The following CD36 variants were observed in gnomAD, a reference collection of about 807,000 sequenced individuals.
The protein encoded by CD36 is platelet glycoprotein 4.
CD36 carries 119 observed loss-of-function variants against 55.2 expected under a neutral mutation model. That is an observed-to-expected ratio of 2.15 (90% CI 1.86 to 2.51). CD36 has a LOEUF of 2.51. Ranked by LOEUF, CD36 falls within the 30% of genes most tolerant of loss-of-function variation. The pLI, the probability that CD36 is intolerant of heterozygous loss-of-function variation, is 0.00. For synonymous variants in CD36, 186 were observed against 193.6 expected (o/e 0.96, Z 0.33); for missense variants, 819 against 555.5 (o/e 1.47, Z -4.77).
At chr7:80,604,866 G>A (rs1792455751) in intron 1 of CD36, among the ~76,000 whole-genome samples, 1 of 151,880 alleles carries the variant, frequency 6.6e-6, no homozygotes, top group African/African-American at 2.4e-5. Flanking sequence ...TATTAGTCAT[G>A]TCATGTTTTA....
chr7:80,630,285 A>C (rs1400784805), intron 1 of CD36, among the ~76,000 whole-genome samples: 1 of 152,040 alleles, frequency 6.6e-6, no homozygotes, highest in Non-Finnish European at 1.5e-5. Context: ...CCTTAAAAGG[A>C]GTAGAAGAGC....
intron 1 of CD36, among the ~76,000 whole-genome samples, chr7:80,604,630 G>C (rs1038412510): frequency 2.2e-4 from 33 of 151,598 alleles, no homozygotes; most frequent in African/African-American, 2.4e-5. Context: ...AGCATTAGAG[G>C]GGACATAGGA....
intron 8 of CD36, among the ~76,000 whole-genome samples, chr7:80,669,367 G>T (rs1196851091): frequency 6.6e-6 from 1 of 152,108 alleles, no homozygotes; most frequent in Non-Finnish European, 1.5e-5. Flanking sequence ...GAGACTTTAA[G>T]AATTTAAAAT....
intron 4 of CD36, 96 bp from the exon 5 acceptor site, chr7:80,660,967 G>GT: frequency 2.2e-6 from 2 of 917,244 alleles, no homozygotes; most frequent in Non-Finnish European, 3.6e-6. Flanking sequence ...GGCATATTCT[G>GT]TGTGTTCAAA....
At chr7:80,636,540 A>AT (rs1794418027), upstream of CD36, among the ~76,000 whole-genome samples, 1 of 151,694 alleles carries the variant, frequency 6.6e-6, no homozygotes, top group African/African-American at 2.4e-5. Flanking sequence ...TGCAAAAAAA[A>AT]AAAAAAAAGA....
chr7:80,659,831 ATTCT>A (rs1410316266), intron 4 of CD36, among the ~76,000 whole-genome samples: 1 of 152,132 alleles, frequency 6.6e-6, no homozygotes, highest in Non-Finnish European at 1.5e-5. Context: ...AGATTTTTAT[ATTCT>A]TTGTGTGTCT....
Position 80,664,477 on chromosome 7 carries a change from C to T in CD36, c.681C>T (p.Ile227=), listed in dbSNP as rs371782363. The change falls in exon 7 of 15, where the codon ATC becomes ATT. Residue 227 remains isoleucine, a synonymous_variant. Coordinates refer to ENST00000447544, the MANE Select transcript of CD36 (RefSeq NM_001001548.3). ...GKDNISKVAI[I]DTYKGKRNLS... The stretch of plus-strand genomic sequence containing the variant: ...ATAACATAAGTAAAGTTGCCATAAT[C>T]GACACATATAAAGGTAAAAGGTAAG... The T allele has an allele frequency of 5.8e-5, 91 of 1,561,408 alleles. No homozygotes were observed. The highest frequency in any genetic ancestry group is 2.5e-4 in the Admixed American group (15 of 59,858).
At chr7:80,663,550 C>T (rs1229623329) in intron 6 of CD36, among the ~76,000 whole-genome samples, 1 of 152,058 alleles carries the variant, frequency 6.6e-6, no homozygotes, top group South Asian at 2.1e-4. Flanking sequence ...ACTCCTCATT[C>T]CTCCTTTTCT....
At chr7:80,671,268 C>T (rs1251866232) in intron 10 of CD36, 104 bp downstream of exon 10, 15 of 722,970 alleles carry the variant, frequency 2.1e-5, no homozygotes, top group Non-Finnish European at 3.2e-5. Flanking sequence ...TAAAATATAT[C>T]ATAATTTGTG....
chr7:80,644,165 C>T (rs1794994090), intron 1 of CD36, among the ~76,000 whole-genome samples: 1 of 152,138 alleles, frequency 6.6e-6, no homozygotes, highest in South Asian at 2.1e-4. Flanking sequence ...CATTCCATTG[C>T]ATTAGGACAG....
intron 7 of CD36, among the ~76,000 whole-genome samples, chr7:80,665,120 A>G (rs892103277): frequency 2.0e-5 from 3 of 152,138 alleles, no homozygotes; most frequent in African/African-American, 7.2e-5. Flanking sequence ...TCTACAATGT[A>G]AATACAAAAT....
At chr7:80,656,410 A>AAGTGTATGGT in intron 3 of CD36, 130 bp from the exon 4 acceptor site, 1 of 729,414 alleles carries the variant, frequency 1.4e-6, no homozygotes, top group South Asian at 1.6e-5. Flanking sequence ...GTAAGGTTGC[A>AAGTGTATGGT]AAGGTTCTCA....
chr7:80,655,920 CAAA>C (rs111330088), intron 3 of CD36, among the ~76,000 whole-genome samples: 2 of 95,416 alleles, frequency 2.1e-5, no homozygotes, highest in Admixed American at 1.1e-4. Flanking sequence ...TATCTTGTCT[CAAA>C]AAAAAAAAAA....
chr7:80,661,796 AAAATAAAGTCGAT>A (rs1796551731), intron 5 of CD36, among the ~76,000 whole-genome samples: 1 of 152,220 alleles, frequency 6.6e-6, no homozygotes, highest in African/African-American at 2.4e-5. Context: ...AATTTAAGGG[AAAATAAAGTCGAT>A]AAGGTTGATG....
At position 80,646,805 on chromosome 7, in the gene CD36, T is replaced by C; in HGVS notation, c.65T>C (p.Phe22Ser). Residue 22 changes from phenylalanine (F) to serine (S), a missense_variant, in exon 3 of 15, where the codon TTT (phenylalanine) becomes TCT (serine). By Grantham distance (155) the Phe-to-Ser change is radical (BLOSUM62 -2). Transcript: ENST00000447544. ...GTCATTGGTGCTGTCCTGGCTGTGT[T>C]TGGAGGTATTCTAATGCCAGTTGGA... Reference protein sequence around the residue: ...GAVIGAVLAVFGGILMPVGDL... With the variant: ...GAVIGAVLAVSGGILMPVGDL... The C allele has an allele frequency of 6.2e-7, 1 of 1,614,020 alleles. No individual in the cohort carries two copies. The highest frequency in any genetic ancestry group is 1.1e-5 in the South Asian group (1 of 91,080).
In CD36 at chr7:80,671,927, C is replaced by CA; in HGVS notation, c.1012_1013insA (p.Pro338HisfsTer15). 6.2e-7 allele frequency: 1 copy of CA among 1,611,090 alleles called. No homozygotes were observed. The highest frequency in any genetic ancestry group is 8.5e-7 in the Non-Finnish European group (1 of 1,178,028). On this transcript the variant is annotated frameshift_variant, in exon 11 of 15. Transcript: ENST00000447544. LOFTEE classifies it high-confidence loss of function. The stretch of plus-strand genomic sequence containing the variant: ...CTCTTAAAACTTGTCTTCAGGGAGA[C>CA]CTGTGTACATTTCACTTCCTCATTT...
chr7:80,652,590 A>T (rs1795714179), intron 3 of CD36, among the ~76,000 whole-genome samples: 1 of 152,222 alleles, frequency 6.6e-6, no homozygotes, highest in African/African-American at 2.4e-5. Context: ...AAATGGTAGC[A>T]GCTAGTGGGA....
intron 1 of CD36, among the ~76,000 whole-genome samples, chr7:80,617,584 G>C (rs755553390): frequency 1.3e-5 from 2 of 151,846 alleles, no homozygotes; most frequent in African/African-American, 4.8e-5. Flanking sequence ...TAAATTAGCC[G>C]GGCATGGTGG....
upstream of CD36, among the ~76,000 whole-genome samples, chr7:80,633,856 T>C (rs1444139494): frequency 6.6e-6 from 1 of 152,056 alleles, no homozygotes; most frequent in East Asian, 1.9e-4. Flanking sequence ...AGATAGTTCA[T>C]AGGTCAATAG....
Sources: allele counts gnomAD v4.1 joint callset (sites outside exome capture counted in the v4.1 genomes callset), GRCh38; gene constraint gnomAD v4.1.1; transcripts MANE v1.5; gene names NCBI Gene and HGNC (gene_info 2026-07-23, HGNC 2026-07-21).